ZBTB16: variants seen among roughly 807,000 people sequenced by gnomAD.
ZBTB16 encodes zinc finger and BTB domain containing 16, also known as zinc finger and BTB domain-containing protein 16.
ZBTB16 carries 8 observed loss-of-function variants against 56.8 expected under a neutral mutation model. The observed-to-expected ratio is 0.14, with a 90% CI of 0.08 to 0.25. ZBTB16 has a LOEUF of 0.25. Among genes scored for constraint, ZBTB16 ranks in the 10% least tolerant of loss-of-function variants. The probability of loss-of-function intolerance (pLI) is 1.00; values close to 1 mark genes in which losing one functional copy is unlikely to be tolerated. For missense variants in ZBTB16, 625 were observed against 903.0 expected, an observed-to-expected ratio of 0.69 and a Z score of 3.95; for synonymous variants, 363 against 368.5, an observed-to-expected ratio of 0.98 and a Z score of 0.17.
At position 114,159,568 on chromosome 11, in the gene ZBTB16, C is replaced by T. The variant is rs533529306; in HGVS notation, c.1366+3134C>T. 4.6e-5 allele frequency among the ~76,000 whole-genome samples: 7 copies of T among 152,252 alleles called. No homozygotes were observed. In the South Asian group the frequency reaches 1.5e-3, roughly 32 times the overall value. ...AAATAGCACAAAGGGCTTAGTGAGG[C>T]TAGACCATTTCCTGAATTGTTTGGC... On this transcript the variant is annotated intron_variant, in intron 3 of 6. Transcript: ENST00000335953.
Position 114,255,106 on chromosome 11 carries a change from T to C in ZBTB16, c.*4551T>C, listed in dbSNP as rs1442542265. Among the ~76,000 whole-genome samples the C allele has an allele frequency of 1.3e-5, 2 of 152,096 alleles. No individual in the cohort carries two copies. The highest frequency in any genetic ancestry group is 4.8e-5 in the African/African-American group (2 of 41,408). Reference sequence around the variant, plus strand: ...GACATCCAACCCGTATATATAAAGATAAATATATATATATATGTATGTAAA... The same window carrying C: ...GACATCCAACCCGTATATATAAAGACAAATATATATATATATGTATGTAAA... On this transcript the variant is annotated 3_prime_UTR_variant, in exon 7 of 7. Transcript: ENST00000335953.
intron 2 of ZBTB16, among the ~76,000 whole-genome samples, chr11:114,074,599 T>TTGTACCTTGTTTGTACA (rs1288967147): frequency 3.9e-5 from 6 of 152,226 alleles, no homozygotes; most frequent in Admixed American, 1.3e-4. Flanking sequence ...AGGCTCTTGT[T>TTGTACCTTGTTTGTACA]TCTTGCCGAT....
intron 4 of ZBTB16, among the ~76,000 whole-genome samples, chr11:114,228,512 C>G (rs1381228394): frequency 6.6e-6 from 1 of 152,220 alleles, no homozygotes; most frequent in African/African-American, 2.4e-5. Flanking sequence ...CTCCTGAATT[C>G]TGTCCCTGGA....
chr11:114,191,681 C>T (rs604377), intron 4 of ZBTB16, among the ~76,000 whole-genome samples: 88,146 of 151,716 alleles, frequency 0.58, 26,049 homozygotes, highest in African/African-American at 0.67. Context: ...TCTTTTGGCT[C>T]GCTGTGCCCT....
At chr11:114,071,844 C>T (rs763427279) in intron 2 of ZBTB16, among the ~76,000 whole-genome samples, 1 of 152,290 alleles carries the variant, frequency 6.6e-6, no homozygotes, top group East Asian at 1.9e-4. Context: ...CCACGTTTTA[C>T]AGATAGGAAA....
At chr11:114,232,779 C>T (rs1565699394) in intron 4 of ZBTB16, among the ~76,000 whole-genome samples, 1 of 152,200 alleles carries the variant, frequency 6.6e-6, no homozygotes, top group Non-Finnish European at 1.5e-5. Flanking sequence ...TGTTCCGGGC[C>T]TGCGCACTGG....
intron 4 of ZBTB16, among the ~76,000 whole-genome samples, chr11:114,235,878 G>A (rs1184969505): frequency 1.6e-4 from 23 of 148,064 alleles, no homozygotes; most frequent in African/African-American, 5.2e-4. Flanking sequence ...TGGCAGTGTT[G>A]CCACTGGGGG....
chr11:114,082,543 C>T (rs1939804533), intron 2 of ZBTB16, among the ~76,000 whole-genome samples: 1 of 152,160 alleles, frequency 6.6e-6, no homozygotes, highest in Non-Finnish European at 1.5e-5. Flanking sequence ...CTGGAGTGCT[C>T]CATACTGATG....
chr11:114,099,329 A>G (rs1440081662), intron 2 of ZBTB16, among the ~76,000 whole-genome samples: 8 of 152,148 alleles, frequency 5.3e-5, no homozygotes, highest in Non-Finnish European at 1.0e-4. Context: ...GAATATATAT[A>G]TACACATACA....
chr11:114,211,785 G>A (rs1293410866), intron 4 of ZBTB16, among the ~76,000 whole-genome samples: 1 of 152,182 alleles, frequency 6.6e-6, no homozygotes, highest in Non-Finnish European at 1.5e-5. Context: ...TGGGGGATTG[G>A]GAGGGCAGAG....
rs1939625994 is a variant in ZBTB16, at chr11:114,077,867, G to T, written c.1268+13299G>T. On this transcript the variant is annotated intron_variant, in intron 2 of 6. Transcript: ENST00000335953. The stretch of plus-strand genomic sequence containing the variant: ...CTGTGGCCAGTCCCACATTCTTAGT[G>T]CTATTTGCATAAGAGGTTGCTGTTT... 5.3e-5 allele frequency among the ~76,000 whole-genome samples: 8 copies of T among 152,216 alleles called. No homozygotes were observed. The South Asian group carries it at 1.7e-3, about 32-fold the overall frequency.
At chr11:114,229,135 A>T (rs1944388328) in intron 4 of ZBTB16, among the ~76,000 whole-genome samples, 1 of 152,206 alleles carries the variant, frequency 6.6e-6, no homozygotes, top group African/African-American at 2.4e-5. Flanking sequence ...CATTCTGGGC[A>T]CTAATTCCAA....
In ZBTB16 at chr11:114,175,367, G is replaced by C. The variant is rs78564252; in HGVS notation, c.1367-11585G>C. On this transcript the variant is annotated intron_variant, in intron 3 of 6. Coordinates refer to ENST00000335953, the MANE Select transcript of ZBTB16 (RefSeq NM_006006.6). ...ATAACATGTGTTGCCCATTCATTAT[G>C]ATGCAAGCATTGTGCTAACTACTTT... Among the ~76,000 whole-genome samples, 976 of 152,240 alleles carry C rather than the reference G, an allele frequency of 6.4e-3. 7 individuals are homozygous for C. The highest frequency in any genetic ancestry group is 0.022 in the African/African-American group (903 of 41,536).
At chr11:114,080,795 G>C (rs1939730416) in intron 2 of ZBTB16, among the ~76,000 whole-genome samples, 1 of 152,186 alleles carries the variant, frequency 6.6e-6, no homozygotes, top group Non-Finnish European at 1.5e-5. Context: ...TTATTCACTA[G>C]CTAAGGTTTG....
chr11:114,216,546 C>T (rs1944102204), intron 4 of ZBTB16, among the ~76,000 whole-genome samples: 1 of 152,218 alleles, frequency 6.6e-6, no homozygotes, highest in Non-Finnish European at 1.5e-5. Flanking sequence ...GGAATGTACA[C>T]CCAGCTGCTT....
At chr11:114,099,511 T>C (rs1233882091) in intron 2 of ZBTB16, among the ~76,000 whole-genome samples, 1 of 151,896 alleles carries the variant, frequency 6.6e-6, no homozygotes, top group African/African-American at 2.4e-5. Flanking sequence ...CTGGGAAACA[T>C]GCATTTTAAT....
intron 2 of ZBTB16, among the ~76,000 whole-genome samples, chr11:114,128,848 C>T (rs1220241917): frequency 6.6e-6 from 1 of 152,202 alleles, no homozygotes; most frequent in Non-Finnish European, 1.5e-5. Flanking sequence ...CCCTGGGGCA[C>T]TGAAGCAGCC....
chr11:114,216,051 G>A (rs1944087760), intron 4 of ZBTB16, among the ~76,000 whole-genome samples: 1 of 152,164 alleles, frequency 6.6e-6, no homozygotes. Context: ...GTTTCCATTT[G>A]TTACCACCTC....
intron 3 of ZBTB16, among the ~76,000 whole-genome samples, chr11:114,183,011 G>A (rs533466060): frequency 6.6e-6 from 1 of 152,320 alleles, no homozygotes; most frequent in South Asian, 2.1e-4. Context: ...AAAGGCACAA[G>A]CCTCCTCAGG....
Sources: gnomAD v4.1 joint callset for allele counts (sites outside exome capture counted in the v4.1 genomes callset) on GRCh38, gnomAD v4.1.1 for gene constraint, MANE v1.5 for transcripts, NCBI Gene and HGNC (gene_info 2026-07-23, HGNC 2026-07-21) for gene names.